GAPVD1: variants seen among roughly 807,000 people sequenced by gnomAD.
GAPVD1 encodes GTPase-activating protein and VPS9 domain-containing protein 1.
A neutral mutation model predicts 155.5 loss-of-function variants in GAPVD1; 35 were observed. The observed-to-expected ratio is 0.23, with a 90% CI of 0.17 to 0.30. The LOEUF (loss-of-function observed/expected upper bound fraction) is 0.30, where lower values mean the gene tolerates loss of function less well. Ranked by LOEUF, GAPVD1 falls within the 10% of genes least tolerant of loss-of-function variation. The probability of loss-of-function intolerance (pLI) is 1.00; values close to 1 mark genes in which losing one functional copy is unlikely to be tolerated. For missense variants in GAPVD1, 1,429 were observed against 1,775.7 expected (o/e 0.80, Z 3.51); for synonymous variants, 636 against 619.7 (o/e 1.03, Z -0.39).
At chr9:125,333,018 A>G (rs902784429) in intron 15 of GAPVD1, among the ~76,000 whole-genome samples, 5 of 152,204 alleles carry the variant, frequency 3.3e-5, no homozygotes, top group Admixed American at 1.3e-4. Flanking sequence ...TAGAGAAAAA[A>G]CTAGAACATA....
chr9:125,361,482 C>T (rs1266950332), intron 27 of GAPVD1, among the ~76,000 whole-genome samples: 1 of 151,526 alleles, frequency 6.6e-6, no homozygotes, highest in African/African-American at 2.4e-5. Flanking sequence ...CGAGATCACA[C>T]TGCTGCACTC....
intron 2 of GAPVD1, among the ~76,000 whole-genome samples, chr9:125,294,652 G>GTTT (rs34715258): frequency 2.3e-4 from 31 of 135,116 alleles, no homozygotes; most frequent in South Asian, 4.8e-4. Context: ...AGCTAAAATG[G>GTTT]TTTTTTTTTT....
intron 3 of GAPVD1, among the ~76,000 whole-genome samples, chr9:125,298,553 A>T (rs1340135493): frequency 7.1e-6 from 1 of 140,388 alleles, no homozygotes; most frequent in Non-Finnish European, 1.5e-5. Flanking sequence ...CAGTGATGCA[A>T]TCTCAGCTCA....
Position 125,349,438 on chromosome 9 carries a change from C to G in GAPVD1, c.3218C>G (p.Ala1073Gly), listed in dbSNP as rs1259172357. Residue 1073 changes from alanine to glycine, a missense_variant, in exon 21 of 28, where the codon GCA (alanine) becomes GGA (glycine). Ala to Gly is a moderately conservative substitution (Grantham distance 60, BLOSUM62 0). Around this residue, in one of 4 missense-constraint regions of GAPVD1, gnomAD observed 699 missense variants for 826.0 expected, o/e 0.85. Transcript: ENST00000297933. ...ESAHDSPRDE[A>G]LQNISADDLP... ...GCACATGATTCTCCCCGTGACGAAG[C>G]ACTGCAGAACATCTCGGCTGATGAT... 6.2e-7 allele frequency: 1 copy of G among 1,613,668 alleles called. No homozygotes were observed. The highest frequency in any genetic ancestry group is 1.1e-5 in the South Asian group (1 of 91,062).
chr9:125,283,028 T>TTTA (rs1554753040), intron 2 of GAPVD1, among the ~76,000 whole-genome samples: 37 of 143,380 alleles, frequency 2.6e-4, no homozygotes, highest in Admixed American at 8.5e-4. Context: ...TTATTTTTAT[T>TTTA]TTTATTTATT....
chr9:125,323,341 TG>T (rs1844668525), intron 10 of GAPVD1, among the ~76,000 whole-genome samples: 1 of 152,136 alleles, frequency 6.6e-6, no homozygotes, highest in Non-Finnish European at 1.5e-5. Context: ...AGTCTCGCTC[TG>T]TCGCCCAGGC....
intron 2 of GAPVD1, among the ~76,000 whole-genome samples, chr9:125,292,660 G>A (rs1838799875): frequency 6.6e-6 from 1 of 151,956 alleles, no homozygotes. Context: ...AAAGTGCTAG[G>A]ATTACAGGCG....
intron 1 of GAPVD1, chr9:125,264,067 T>G: frequency 1.1e-6 from 1 of 906,232 alleles, no homozygotes; most frequent in Non-Finnish European, 1.8e-6. Flanking sequence ...TAAAAAGGAG[T>G]TCATAAATGG....
chr9:125,341,370 T>A, intron 18 of GAPVD1, 106 bp downstream of exon 18: 1 of 626,808 alleles, frequency 1.6e-6, no homozygotes, highest in South Asian at 2.0e-5. Context: ...CTTGCTGGGC[T>A]TAAGTTTCTA....
chr9:125,305,174 A>T, intron 6 of GAPVD1, 25 bp downstream of exon 6: 1 of 1,500,812 alleles, frequency 6.7e-7, no homozygotes, highest in Non-Finnish European at 9.3e-7. Context: ...GATTTATAGA[A>T]AATTCTGAAG....
At chr9:125,279,532 T>TTAC (rs1392903867) in intron 2 of GAPVD1, among the ~76,000 whole-genome samples, 1 of 149,076 alleles carries the variant, frequency 6.7e-6, no homozygotes, top group Admixed American at 6.7e-5. Context: ...GATCGTGCCA[T>TTAC]TGTACTCCAG....
intron 15 of GAPVD1, among the ~76,000 whole-genome samples, chr9:125,333,036 G>A (rs1265950458): frequency 1.3e-5 from 2 of 152,096 alleles, no homozygotes; most frequent in East Asian, 1.9e-4. Context: ...ATACTACATG[G>A]AATTTATTTT....
chr9:125,352,033 A>C (rs1179033147), intron 23 of GAPVD1, among the ~76,000 whole-genome samples: 1 of 151,658 alleles, frequency 6.6e-6, no homozygotes, highest in Non-Finnish European at 1.5e-5. Context: ...CAGCCACCAC[A>C]CCCAGCCAGG....
chr9:125,297,938 GT>G (rs1376135881), intron 3 of GAPVD1, among the ~76,000 whole-genome samples: 1 of 152,150 alleles, frequency 6.6e-6, no homozygotes, highest in Non-Finnish European at 1.5e-5. Flanking sequence ...TAGAAACGGG[GT>G]TTCATCATGT....
intron 6 of GAPVD1, among the ~76,000 whole-genome samples, chr9:125,306,498 C>G (rs758065379): frequency 6.6e-6 from 1 of 152,002 alleles, no homozygotes; most frequent in Non-Finnish European, 1.5e-5. Flanking sequence ...TCTCCAACAT[C>G]TTATTGTTAT....
intron 2 of GAPVD1, among the ~76,000 whole-genome samples, chr9:125,288,883 G>C (rs1838146686): frequency 6.6e-6 from 1 of 152,186 alleles, no homozygotes. Flanking sequence ...ACAATGCAGG[G>C]AAAGTGTGTG....
Position 125,326,594 on chromosome 9 carries a change from C to T in GAPVD1, c.2032+5C>T, listed in dbSNP as rs1304576635. ...ATCGCTTGCAAGAAATTGCAGGTAACTGCCATTTAATGTCTCTGAAATATC... is the reference window on the plus strand; with the variant it reads ...ATCGCTTGCAAGAAATTGCAGGTAATTGCCATTTAATGTCTCTGAAATATC... On this transcript the variant is annotated splice_donor_5th_base_variant and intron_variant, in intron 12 of 27. Transcript: ENST00000297933. 1.2e-6 allele frequency: 2 copies of T among 1,601,164 alleles called. No individual in the cohort carries two copies. The highest frequency in any genetic ancestry group is 3.3e-5 in the Admixed American group (2 of 59,846).
At chr9:125,337,168 C>G in intron 16 of GAPVD1, 53 bp from the exon 17 acceptor site, 1 of 1,609,302 alleles carries the variant, frequency 6.2e-7, no homozygotes, top group Non-Finnish European at 8.5e-7. Context: ...TTGTTAATGC[C>G]TTTGTTAGAT....
chr9:125,352,771 A>G (rs1274408417), intron 23 of GAPVD1, among the ~76,000 whole-genome samples: 1 of 152,192 alleles, frequency 6.6e-6, no homozygotes, highest in Non-Finnish European at 1.5e-5. Context: ...TCGCATTGTC[A>G]GGCTGCAAAG....
Sources: gnomAD v4.1 joint callset for allele counts (sites outside exome capture counted in the v4.1 genomes callset) on GRCh38, gnomAD v4.1.1 for gene constraint, gnomAD v4.1.1 regional missense constraint, MANE v1.5 for transcripts, NCBI Gene and HGNC (gene_info 2026-07-23, HGNC 2026-07-21) for gene names.